RBFOX1: variants seen among roughly 807,000 people sequenced by gnomAD.
RBFOX1 encodes RNA binding protein fox-1 homolog 1.
A neutral mutation model predicts 57.7 loss-of-function variants in RBFOX1; 8 were observed. That is an observed-to-expected ratio of 0.14 (90% CI 0.08 to 0.25). RBFOX1 has a LOEUF of 0.25. Among genes scored for constraint, RBFOX1 ranks in the 10% least tolerant of loss-of-function variants. The probability of loss-of-function intolerance (pLI) is 1.00; values close to 1 mark genes in which losing one functional copy is unlikely to be tolerated. For synonymous variants in RBFOX1, 326 were observed against 222.4 expected (o/e 1.47, Z -4.15); for missense variants, 611 against 548.5 (o/e 1.11, Z -1.14).
intron 14 of RBFOX1, among the ~76,000 whole-genome samples, chr16:7,682,192 T>A (rs890254067): frequency 6.6e-6 from 1 of 152,170 alleles, no homozygotes; most frequent in Non-Finnish European, 1.5e-5. Context: ...TTCATGTTCT[T>A]CCTTGGCAAA....
At chr16:5,987,957 C>T (rs934655795) in intron 4 of RBFOX1, among the ~76,000 whole-genome samples, 19 of 152,082 alleles carry the variant, frequency 1.2e-4, no homozygotes, top group South Asian at 4.1e-4. Flanking sequence ...TCAGAGAGGT[C>T]GCTTGATTTT....
intron 1 of RBFOX1, among the ~76,000 whole-genome samples, chr16:6,101,053 C>G (rs902793465): frequency 1.3e-5 from 2 of 152,204 alleles, no homozygotes; most frequent in African/African-American, 2.4e-5. Context: ...AAGTCCACCA[C>G]TAGCTAGCAG....
chr16:6,410,921 C>T (rs776459769), intron 2 of RBFOX1, among the ~76,000 whole-genome samples: 1 of 152,158 alleles, frequency 6.6e-6, no homozygotes, highest in Non-Finnish European at 1.5e-5. Context: ...ACATATTACT[C>T]AGCATTTGTG....
intron 4 of RBFOX1, among the ~76,000 whole-genome samples, chr16:5,974,622 A>G (rs368321705): frequency 6.6e-6 from 1 of 152,130 alleles, no homozygotes; most frequent in African/African-American, 2.4e-5. Context: ...AAGAAATAAA[A>G]TAAAATAAGA....
chr16:7,127,973 G>C (rs2069056900), intron 4 of RBFOX1, among the ~76,000 whole-genome samples: 1 of 152,238 alleles, frequency 6.6e-6, no homozygotes, highest in African/African-American at 2.4e-5. Context: ...AAGAGGCTGG[G>C]TTCAGATGCA....
chr16:6,109,441 A>T (rs1386465643), intron 1 of RBFOX1, among the ~76,000 whole-genome samples: 2 of 152,018 alleles, frequency 1.3e-5, no homozygotes, highest in Non-Finnish European at 2.9e-5. Flanking sequence ...CTTTCTTATC[A>T]CCCCAGGAAT....
chr16:7,512,508 A>C (rs1457639776), intron 4 of RBFOX1, among the ~76,000 whole-genome samples: 2 of 152,228 alleles, frequency 1.3e-5, no homozygotes, highest in African/African-American at 2.4e-5. Flanking sequence ...AACGGCTGTC[A>C]GTGTTAATAA....
chr16:7,372,460 G>C (rs1349329416), intron 4 of RBFOX1, among the ~76,000 whole-genome samples: 1 of 152,158 alleles, frequency 6.6e-6, no homozygotes, highest in Non-Finnish European at 1.5e-5. Context: ...TGACAAGTTA[G>C]AGTGTAAGCT....
chr16:6,959,059 A>G (rs939384294), intron 3 of RBFOX1, among the ~76,000 whole-genome samples: 1 of 152,188 alleles, frequency 6.6e-6, no homozygotes, highest in South Asian at 2.1e-4. Context: ...CATCTAAGTA[A>G]TATTATAGTT....
intron 1 of RBFOX1, among the ~76,000 whole-genome samples, chr16:6,260,643 C>T (rs56177122): frequency 0.021 from 3,162 of 152,180 alleles, 86 homozygotes; most frequent in African/African-American, 0.062. Flanking sequence ...TTTGGGAGGC[C>T]GAGGCAGGTG....
chr16:7,426,322 A>G (rs933674662), intron 4 of RBFOX1, among the ~76,000 whole-genome samples: 4 of 152,186 alleles, frequency 2.6e-5, no homozygotes, highest in African/African-American at 9.7e-5. Context: ...GCAGCTAACA[A>G]GAGGTGATTA....
intron 3 of RBFOX1, among the ~76,000 whole-genome samples, chr16:5,682,246 C>T (rs896367152): frequency 1.3e-5 from 2 of 152,220 alleles, no homozygotes; most frequent in African/African-American, 4.8e-5. Context: ...AATTTGCATC[C>T]ATTAAAAGCC....
At chr16:6,639,423 A>G (rs1010464940) in intron 2 of RBFOX1, among the ~76,000 whole-genome samples, 2 of 152,152 alleles carry the variant, frequency 1.3e-5, no homozygotes, top group Non-Finnish European at 2.9e-5. Context: ...TAGAAATTGC[A>G]TCTTTTGTGG....
chr16:7,185,266 G>T (rs2083484409), intron 4 of RBFOX1, among the ~76,000 whole-genome samples: 1 of 152,112 alleles, frequency 6.6e-6, no homozygotes, highest in Non-Finnish European at 1.5e-5. Context: ...CAAATTGAAG[G>T]AGGTGTTTGC....
At chr16:6,343,542 C>T (rs2084892873) in intron 2 of RBFOX1, among the ~76,000 whole-genome samples, 1 of 152,196 alleles carries the variant, frequency 6.6e-6, no homozygotes, top group East Asian at 1.9e-4. Context: ...TTCATTCCTT[C>T]CTTCTTTCAT....
At chr16:7,334,729 C>T (rs1319450261) in intron 4 of RBFOX1, among the ~76,000 whole-genome samples, 2 of 152,106 alleles carry the variant, frequency 1.3e-5, no homozygotes, top group African/African-American at 2.4e-5. Flanking sequence ...GACGTATTAC[C>T]CCAGTGATAG....
At chr16:5,270,654 C>A in intron 1 of RBFOX1, 1 of 545,812 alleles carries the variant, frequency 1.8e-6, no homozygotes, top group South Asian at 1.7e-5. Flanking sequence ...CACCAACAGT[C>A]TGCCAAATCC....
intron 2 of RBFOX1, among the ~76,000 whole-genome samples, chr16:6,439,494 C>A (rs1388602309): frequency 1.3e-5 from 2 of 152,196 alleles, no homozygotes; most frequent in Non-Finnish European, 2.9e-5. Flanking sequence ...ACATCCCCTG[C>A]TTCCCTTCTG....
intron 4 of RBFOX1, among the ~76,000 whole-genome samples, chr16:7,495,374 GTTCT>G (rs1353765554): frequency 2.0e-5 from 3 of 152,152 alleles, no homozygotes; most frequent in Admixed American, 2.0e-4. Context: ...TCTGTTTTAA[GTTCT>G]TTGAGAAATA....
Sources: gnomAD v4.1 joint callset for allele counts (sites outside exome capture counted in the v4.1 genomes callset) on GRCh38, gnomAD v4.1.1 for gene constraint, MANE v1.5 for transcripts, NCBI Gene and HGNC (gene_info 2026-07-23, HGNC 2026-07-21) for gene names.